The following PPP4R3A variants were observed in gnomAD, a reference collection of about 807,000 sequenced individuals.
PPP4R3A encodes the protein serine/threonine-protein phosphatase 4 regulatory subunit 3A.
Under a neutral mutation model 91.7 loss-of-function variants are expected in PPP4R3A, and 15 were observed. The observed-to-expected ratio is 0.16, with a 90% confidence interval of 0.11 to 0.25. PPP4R3A has a LOEUF of 0.25. Among genes scored for constraint, PPP4R3A ranks in the 10% least tolerant of loss-of-function variants. The pLI is 1.00. For missense variants in PPP4R3A, 623 were observed against 998.4 expected, an observed-to-expected ratio of 0.62 and a Z score of 5.07; for synonymous variants, 377 against 348.7, an observed-to-expected ratio of 1.08 and a Z score of -0.91.
At chr14:91,501,300 A>G (rs1231132503) in intron 1 of PPP4R3A, among the ~76,000 whole-genome samples, 4 of 152,212 alleles carry the variant, frequency 2.6e-5, no homozygotes, top group Non-Finnish European at 5.9e-5. Flanking sequence ...GAAGGATTTC[A>G]GAAAGAAGAG....
chr14:91,475,183 A>T (rs1416910796), intron 7 of PPP4R3A: 1 of 152,142 alleles, frequency 6.6e-6, no homozygotes, highest in Non-Finnish European at 1.5e-5. Flanking sequence ...AGCAGGAAAA[A>T]ATCAGAATCA....
At chr14:91,460,905 CACCG>C (rs1457735130) in intron 14 of PPP4R3A, among the ~76,000 whole-genome samples, 2 of 152,184 alleles carry the variant, frequency 1.3e-5, no homozygotes, top group Non-Finnish European at 2.9e-5. Flanking sequence ...AGGCGTGAGC[CACCG>C]TGCCCAGCCC....
Position 91,458,657 on chromosome 14 carries a change from T to G in PPP4R3A, c.*102A>C. 1 of 1,527,950 alleles carries G rather than the reference T, an allele frequency of 6.5e-7. No individual in the cohort carries two copies. Among genetic ancestry groups the G allele is most frequent in the Non-Finnish European group, 9.1e-7 (1 of 1,102,590 alleles). The allele number at this position is 1,527,950 out of a possible 1,614,324, so 94.6% of individuals were successfully genotyped here. ...AGTGTAAGAGGCTGATCTGTGTCAG[T>G]CATTCACAAGAGACCACTGCGCTTT... is the stretch of plus-strand genomic sequence containing the variant. On this transcript the variant is annotated 3_prime_UTR_variant, in exon 15 of 15. Transcript: ENST00000554943.
At chr14:91,499,645 A>C (rs1241035328) in intron 1 of PPP4R3A, among the ~76,000 whole-genome samples, 1 of 151,812 alleles carries the variant, frequency 6.6e-6, no homozygotes, top group Non-Finnish European at 1.5e-5. Flanking sequence ...ACATGGTGAA[A>C]TCTCATCTCT....
At chr14:91,481,550 A>G (rs1233348688) in intron 4 of PPP4R3A, 26 bp downstream of exon 4, 1 of 1,510,282 alleles carries the variant, frequency 6.6e-7, no homozygotes, top group Non-Finnish European at 8.8e-7. Flanking sequence ...CTCTTGAAAT[A>G]TGAAAAAAGG....
chr14:91,485,835 A>C, intron 2 of PPP4R3A, 105 bp from the exon 3 acceptor site: 1 of 622,776 alleles, frequency 1.6e-6, no homozygotes, highest in East Asian at 2.8e-5. Flanking sequence ...TTTTTGCAAC[A>C]CTAATACTGG....
chr14:91,497,030 CCTA>C (rs1434037004), intron 1 of PPP4R3A, among the ~76,000 whole-genome samples: 16 of 152,080 alleles, frequency 1.1e-4, no homozygotes, highest in African/African-American at 3.9e-4. Context: ...GTAATTCTAT[CCTA>C]CTAAGGTATG....
At chr14:91,502,571 CT>C (rs1891033683) in intron 1 of PPP4R3A, among the ~76,000 whole-genome samples, 1 of 152,184 alleles carries the variant, frequency 6.6e-6, no homozygotes, top group Admixed American at 6.5e-5. Context: ...CCCCCAAAAG[CT>C]TTTCCACCCT....
intron 12 of PPP4R3A, among the ~76,000 whole-genome samples, chr14:91,462,449 T>C (rs1218802049): frequency 6.6e-6 from 1 of 151,846 alleles, no homozygotes; most frequent in Admixed American, 6.6e-5. Context: ...GCAAGTAATA[T>C]AATCCTCTGA....
intron 4 of PPP4R3A, among the ~76,000 whole-genome samples, chr14:91,479,769 T>C: frequency 6.6e-6 from 1 of 152,212 alleles, no homozygotes; most frequent in Non-Finnish European, 1.5e-5. Context: ...CTTGAACTCT[T>C]GACCTCAGGT....
At position 91,509,901 on chromosome 14, in the gene PPP4R3A, G is replaced by C. The variant is rs1891682865; in HGVS notation, c.-254C>G. On this transcript the variant is annotated 5_prime_UTR_variant, in exon 1 of 15. Coordinates refer to ENST00000554943, the MANE Select transcript of PPP4R3A (RefSeq NM_001366432.2). ...GGCCTGGCGAGCCCGGCGCCCGGCAGCCCCGAGGGGGCCGCGCAGCGCTTC... is the reference window on the plus strand; with the variant it reads ...GGCCTGGCGAGCCCGGCGCCCGGCACCCCCGAGGGGGCCGCGCAGCGCTTC... 1 of 1,067,184 alleles carries C rather than the reference G, an allele frequency of 9.4e-7. No homozygotes were observed. Among genetic ancestry groups the C allele is most frequent in the Non-Finnish European group, 1.1e-6 (1 of 884,410 alleles). The allele number at this position is 1,067,184 out of a possible 1,614,324, so 66.1% of individuals were successfully genotyped here. A position where few individuals can be genotyped will look rare whatever the true frequency, so the allele number is the denominator to read the frequency against.
intron 1 of PPP4R3A, among the ~76,000 whole-genome samples, chr14:91,494,070 G>A (rs1657209398): frequency 6.6e-6 from 1 of 151,806 alleles, no homozygotes; most frequent in South Asian, 2.1e-4. Context: ...TGGCCAACAT[G>A]GTGAAACCCC....
At chr14:91,498,387 ATT>A (rs1372864438) in intron 1 of PPP4R3A, among the ~76,000 whole-genome samples, 1 of 152,064 alleles carries the variant, frequency 6.6e-6, no homozygotes. Context: ...TAGAAAAGTT[ATT>A]TTTTCTTAAT....
intron 10 of PPP4R3A, among the ~76,000 whole-genome samples, chr14:91,468,577 G>A (rs1332683083): frequency 7.7e-6 from 1 of 129,476 alleles, no homozygotes; most frequent in East Asian, 2.4e-4. Flanking sequence ...GCTGAGGCAG[G>A]AGAATTGCTT....
At chr14:91,502,837 C>T (rs1433924336) in intron 1 of PPP4R3A, among the ~76,000 whole-genome samples, 1 of 152,176 alleles carries the variant, frequency 6.6e-6, no homozygotes, top group Non-Finnish European at 1.5e-5. Flanking sequence ...GTAAAGAATA[C>T]TTTATAAAAT....
intron 14 of PPP4R3A, among the ~76,000 whole-genome samples, chr14:91,460,637 CTTTTTT>C (rs573677740): frequency 4.5e-5 from 5 of 111,280 alleles, no homozygotes; most frequent in East Asian, 2.7e-4. Flanking sequence ...GATTTTGTTC[CTTTTTT>C]TTTTTTTTTT....
intron 3 of PPP4R3A, among the ~76,000 whole-genome samples, chr14:91,483,259 T>C (rs766065504): frequency 5.3e-5 from 8 of 152,164 alleles, no homozygotes; most frequent in Non-Finnish European, 8.8e-5. Context: ...AGACCTTATA[T>C]GGAAAAGCCA....
At position 91,464,926 on chromosome 14, in the gene PPP4R3A, T is replaced by C. The variant is rs144081585; in HGVS notation, c.1830+324A>G. Among the ~76,000 whole-genome samples, 369 of 152,334 alleles carry C rather than the reference T, an allele frequency of 2.4e-3. 4 individuals are homozygous for C. The highest frequency in any genetic ancestry group is 8.4e-3 in the African/African-American group (349 of 41,580). ...GGTTCATGCTCCTAGGAGAATATAATGCTGCTGCTGATCTGATAGGAGGTA... is the reference window on the plus strand; with the variant it reads ...GGTTCATGCTCCTAGGAGAATATAACGCTGCTGCTGATCTGATAGGAGGTA... On this transcript the variant is annotated intron_variant, in intron 11 of 14. Coordinates refer to ENST00000554943, the MANE Select transcript of PPP4R3A (RefSeq NM_001366432.2).
intron 14 of PPP4R3A, 39 bp downstream of exon 14, chr14:91,461,342 T>C (rs768269254): frequency 3.5e-5 from 55 of 1,566,752 alleles, no homozygotes; most frequent in Non-Finnish European, 4.6e-5. Context: ...AAAGCTTCAA[T>C]TGGGAAAAAA....
Sources: allele counts gnomAD v4.1 joint callset (sites outside exome capture counted in the v4.1 genomes callset), GRCh38; gene constraint gnomAD v4.1.1; transcripts MANE v1.5; gene names NCBI Gene and HGNC (gene_info 2026-07-23, HGNC 2026-07-21).